The following THEMIS2 variants were observed in gnomAD, a reference collection of about 807,000 sequenced individuals.
THEMIS2 encodes thymocyte selection associated family member 2.
A neutral mutation model predicts 46.8 loss-of-function variants in THEMIS2; 29 were observed. The observed-to-expected ratio is 0.62, with a 90% confidence interval of 0.46 to 0.84. The LOEUF (loss-of-function observed/expected upper bound fraction) is 0.84. THEMIS2 is among the 40% of genes least tolerant of loss of function. The pLI is 0.00. For synonymous variants in THEMIS2, 335 were observed against 349.1 expected, an observed-to-expected ratio of 0.96 and a Z score of 0.45; for missense variants, 698 against 834.7, an observed-to-expected ratio of 0.84 and a Z score of 2.02.
chr1:27,886,119 C>G lies in THEMIS2; in HGVS notation c.*197C>G. The G allele has an allele frequency of 1.7e-6, 1 of 582,190 alleles. No individual in the cohort carries two copies. Among genetic ancestry groups the G allele is most frequent in the East Asian group, 2.9e-5 (1 of 34,074 alleles). The allele number at this position is 582,190 out of a possible 1,614,324, so 36.1% of individuals were successfully genotyped here. ...CTAGATTCTTGCTACTTAGGGCGGG[C>G]TGGTTTGGACCTAACATCTCGCACG... On this transcript the variant is annotated 3_prime_UTR_variant, in exon 6 of 6. Coordinates refer to ENST00000373921, the MANE Select transcript of THEMIS2 (RefSeq NM_001105556.3).
At chr1:27,875,386 G>A (rs1267060363) in intron 1 of THEMIS2, among the ~76,000 whole-genome samples, 1 of 152,250 alleles carries the variant, frequency 6.6e-6, no homozygotes, top group East Asian at 1.9e-4. Flanking sequence ...CCGGGTATCT[G>A]TAGTACCACA....
At chr1:27,873,212 G>T (rs1366717047) in intron 1 of THEMIS2, among the ~76,000 whole-genome samples, 2 of 152,190 alleles carry the variant, frequency 1.3e-5, no homozygotes, top group Non-Finnish European at 2.9e-5. Flanking sequence ...CTGGCTCTCT[G>T]CTCCTTGCAC....
rs1307202593 is a variant in THEMIS2 at position 27,882,120 on chromosome 1, C to T, written c.796C>T (p.Leu266=). ...EGPFPLSMEI[L]EVPEGRPIFL... is the part of the protein sequence containing the mutation. ...CCCTTTCCCCCTGTCCATGGAGATC[C>T]TGGAGGTTCCTGAGGGCCGCCCCAT... Residue 266 remains leucine, a synonymous_variant, in exon 4 of 6, where the codon CTG becomes TTG. Transcript: ENST00000373921. This position sits in a 1 kb window ranked among gnomAD's most constrained non-coding sequence, Gnocchi z 7.6. 1 of 1,614,072 alleles carries T rather than the reference C, an allele frequency of 6.2e-7. No individual in the cohort carries two copies. The highest frequency in any genetic ancestry group is 1.3e-5 in the African/African-American group (1 of 74,928).
chr1:27,881,683 C>T (rs2089680683), intron 3 of THEMIS2, among the ~76,000 whole-genome samples: 1 of 151,906 alleles, frequency 6.6e-6, no homozygotes, highest in Non-Finnish European at 1.5e-5. Flanking sequence ...CAAAAATTAG[C>T]TGGGCATGGT....
At chr1:27,880,332 G>A (rs891520333) in intron 3 of THEMIS2, among the ~76,000 whole-genome samples, 9 of 152,062 alleles carry the variant, frequency 5.9e-5, no homozygotes, top group African/African-American at 2.2e-4. Context: ...TTACAGGCGT[G>A]CACCACCATG....
intron 1 of THEMIS2, among the ~76,000 whole-genome samples, chr1:27,873,426 G>A (rs528677159): frequency 4.6e-5 from 7 of 152,308 alleles, no homozygotes; most frequent in Admixed American, 3.3e-4. Flanking sequence ...GAGTAGGGGA[G>A]ATGGAGGTGG....
Position 27,885,280 on chromosome 1 carries a change from C to T in THEMIS2, c.1720-15C>T. 1 of 1,612,316 alleles carries T rather than the reference C, an allele frequency of 6.2e-7. No individual in the cohort carries two copies. Among genetic ancestry groups the T allele is most frequent in the Non-Finnish European group, 8.5e-7 (1 of 1,179,368 alleles). ...TTTCTTGAGACCCTGATGATTTCTG[C>T]TTTTTCTCCCAAAGTCTTCTCAAGT... On this transcript the variant is annotated splice_polypyrimidine_tract_variant and intron_variant, in intron 4 of 5. Coordinates refer to ENST00000373921, the MANE Select transcript of THEMIS2 (RefSeq NM_001105556.3).
chr1:27,882,306 C>A lies in THEMIS2; in HGVS notation c.982C>A (p.Pro328Thr). ...CTACCAAGGCAAGCTGCGGCGGCGGCCAAGGGAGTTCCCCACGGCCTATGA... is the reference window on the plus strand; with the variant it reads ...CTACCAAGGCAAGCTGCGGCGGCGGACAAGGGAGTTCCCCACGGCCTATGA... Reference protein sequence around the residue: ...GGYQGKLRRRPREFPTAYDLL... With the variant: ...GGYQGKLRRRTREFPTAYDLL... The change falls in exon 4 of 6, where the codon CCA (proline) becomes ACA (threonine). Residue 328 changes from proline (P) to threonine (T), a missense_variant. Physicochemically the swap from Pro to Thr is conservative, Grantham distance 38. Transcript: ENST00000373921. The surrounding 1 kb of genome is among the most constrained non-coding windows in gnomAD (Gnocchi z 7.6). 6.3e-7 allele frequency: 1 copy of A among 1,598,852 alleles called. No homozygotes were observed. Among genetic ancestry groups the A allele is most frequent in the Non-Finnish European group, 8.5e-7 (1 of 1,171,606 alleles).
At chr1:27,885,232 T>C in intron 4 of THEMIS2, 63 bp from the exon 5 acceptor site, 1 of 1,573,152 alleles carries the variant, frequency 6.4e-7, no homozygotes, top group Non-Finnish European at 8.7e-7. Context: ...GAATGACCGT[T>C]TTTCATGGAC....
At chr1:27,876,092 G>C (rs2089572516) in intron 1 of THEMIS2, among the ~76,000 whole-genome samples, 1 of 151,834 alleles carries the variant, frequency 6.6e-6, no homozygotes, top group African/African-American at 2.4e-5. Flanking sequence ...GTGCTAGGAG[G>C]GCTGGGTACC....
At chr1:27,877,498 T>G (rs1303047523) in intron 2 of THEMIS2, among the ~76,000 whole-genome samples, 1 of 152,000 alleles carries the variant, frequency 6.6e-6, no homozygotes, top group Non-Finnish European at 1.5e-5. Flanking sequence ...GCTAATTTTT[T>G]TTGTATTTTT....
At chr1:27,873,293 C>T (rs577859490) in intron 1 of THEMIS2, among the ~76,000 whole-genome samples, 1 of 152,308 alleles carries the variant, frequency 6.6e-6, no homozygotes, top group East Asian at 1.9e-4. Flanking sequence ...GGCGCACAGT[C>T]ACTAGTCATT....
chr1:27,880,664 G>C (rs75988725), intron 3 of THEMIS2, among the ~76,000 whole-genome samples: 4,873 of 152,286 alleles, frequency 0.032, 276 homozygotes, highest in African/African-American at 0.11. Flanking sequence ...CTTAGTGCTT[G>C]TAGTAGCAGC....
rs1334802439 is a variant in THEMIS2 at position 27,879,849 on chromosome 1, C to G, written c.441C>G (p.Val147=). Residue 147 remains valine (V), a synonymous_variant, in exon 3 of 6, where the codon GTC becomes GTG. Transcript: ENST00000373921. The part of the protein sequence containing the change: ...MHLGIRSARC[V]LGMEGQQVIL... The stretch of plus-strand genomic sequence containing the variant: ...TCGGGATCCGCTCTGCCCGCTGTGT[C>G]CTGGGCATGGAGGGTCAGCAGGTCA... 1.2e-6 allele frequency: 2 copies of G among 1,613,248 alleles called. No individual in the cohort carries two copies. Among genetic ancestry groups the G allele is most frequent in the Admixed American group, 3.3e-5 (2 of 59,978 alleles).
At chr1:27,885,228 C>T in intron 4 of THEMIS2, 67 bp from the exon 5 acceptor site, 1 of 1,549,708 alleles carries the variant, frequency 6.5e-7, no homozygotes, top group Non-Finnish European at 8.8e-7. Flanking sequence ...ACGTGAATGA[C>T]CGTTTTTCAT....
Position 27,882,580 on chromosome 1 carries a change from G to A in THEMIS2, c.1256G>A (p.Arg419Gln), listed in dbSNP as rs1228236502. ...ECKEEAESPE[R>Q]VLLPFHFPGS... ...AAAGAGGAGGCAGAGAGCCCAGAGC[G>A]GGTCCTGCTGCCCTTCCACTTCCCT... The change falls in exon 4 of 6, where the codon CGG becomes CAG. Residue 419 changes from arginine to glutamine, a missense_variant. Coordinates refer to ENST00000373921, the MANE Select transcript of THEMIS2 (RefSeq NM_001105556.3). The surrounding 1 kb of genome is among the most constrained non-coding windows in gnomAD (Gnocchi z 7.6). 4.3e-6 allele frequency: 7 copies of A among 1,614,062 alleles called. No individual in the cohort carries two copies. The highest frequency in any genetic ancestry group is 2.7e-5 in the African/African-American group (2 of 74,920).
chr1:27,877,481 A>G (rs1246268811), intron 2 of THEMIS2, among the ~76,000 whole-genome samples: 1 of 151,796 alleles, frequency 6.6e-6, no homozygotes, highest in Non-Finnish European at 1.5e-5. Flanking sequence ...GCCCGCCACC[A>G]CACCCAGCTA....
rs966597757 is a variant in THEMIS2 at position 27,882,907 on chromosome 1, T to A, written c.1583T>A (p.Val528Glu). Reference sequence around the variant, plus strand: ...GAGGGGTCTCTCCCCATAGCCACAGTGGAGGAGCTGACAGACACCTTCTAT... The same window carrying A: ...GAGGGGTCTCTCCCCATAGCCACAGAGGAGGAGCTGACAGACACCTTCTAT... ...LPEGSLPIATVEELTDTFYYR... is the reference protein window; with the variant it reads ...LPEGSLPIATEEELTDTFYYR... Residue 528 changes from valine (V) to glutamate (E), a missense_variant, in exon 4 of 6, where the codon GTG (valine) becomes GAG (glutamate). Val to Glu is a moderately radical substitution (Grantham distance 121). Coordinates refer to ENST00000373921, the MANE Select transcript of THEMIS2 (RefSeq NM_001105556.3). The surrounding 1 kb of genome is among the most constrained non-coding windows in gnomAD (Gnocchi z 7.6). 1 of 1,613,706 alleles carries A rather than the reference T, an allele frequency of 6.2e-7. No homozygotes were observed. The highest frequency in any genetic ancestry group is 8.5e-7 in the Non-Finnish European group (1 of 1,179,936).
intron 1 of THEMIS2, among the ~76,000 whole-genome samples, chr1:27,874,530 C>T (rs1186086704): frequency 1.3e-5 from 2 of 150,642 alleles, no homozygotes; most frequent in Non-Finnish European, 3.0e-5. Context: ...GCTTGTAATC[C>T]CAGCACTTTG....
Sources: gnomAD v4.1 joint callset for allele counts (sites outside exome capture counted in the v4.1 genomes callset) on GRCh38, gnomAD v4.1.1 for gene constraint, Gnocchi (gnomAD v3.1) non-coding constraint, MANE v1.5 for transcripts, NCBI Gene and HGNC (gene_info 2026-07-23, HGNC 2026-07-21) for gene names.